Variants in SPECC1 observed in about 807,000 individuals in gnomAD.
SPECC1 encodes the protein cytospin-B.
A neutral mutation model predicts 104.1 loss-of-function variants in SPECC1; 62 were observed. That is an observed-to-expected ratio of 0.60 (90% CI 0.49 to 0.74). The LOEUF is 0.74. Ranked by LOEUF, SPECC1 falls within the 30% of genes least tolerant of loss-of-function variation. The pLI, the probability that SPECC1 is intolerant of heterozygous loss-of-function variation, is 0.00. For synonymous variants in SPECC1, 513 were observed against 501.6 expected (o/e 1.02, Z -0.30); for missense variants, 1,306 against 1,310.5 (o/e 1.00, Z 0.05).
intron 4 of SPECC1, among the ~76,000 whole-genome samples, chr17:20,214,610 C>T (rs1326484298): frequency 2.6e-5 from 4 of 152,248 alleles, no homozygotes; most frequent in East Asian, 3.9e-4. Context: ...TGGGTTCAAG[C>T]GATTCTCCTG....
chr17:20,107,530 C>T (rs944901027), intron 2 of SPECC1, among the ~76,000 whole-genome samples: 9 of 150,238 alleles, frequency 6.0e-5, no homozygotes, highest in Middle Eastern at 3.5e-3. Flanking sequence ...GATCTCGGCT[C>T]ACTGTAACCT....
chr17:20,136,426 T>TA (rs10577710), intron 3 of SPECC1, among the ~76,000 whole-genome samples: 20,415 of 144,096 alleles, frequency 0.14, 2,725 homozygotes, highest in African/African-American at 0.36. Context: ...CTCCATCTAT[T>TA]AAAAAAAAAA....
intron 3 of SPECC1, among the ~76,000 whole-genome samples, chr17:20,199,080 C>CT (rs562975649): frequency 0.014 from 1,043 of 76,554 alleles, 12 homozygotes; most frequent in Non-Finnish European, 0.018. Context: ...CTTATGGTAG[C>CT]TTTTTTTTTT....
At chr17:20,188,750 A>G (rs1181558056) in intron 3 of SPECC1, among the ~76,000 whole-genome samples, 1 of 152,164 alleles carries the variant, frequency 6.6e-6, no homozygotes, top group Non-Finnish European at 1.5e-5. Context: ...ACAAAGGTAA[A>G]GTGCTGTTAT....
At chr17:20,024,396 T>G (rs1368080412) in intron 1 of SPECC1, among the ~76,000 whole-genome samples, 1 of 152,258 alleles carries the variant, frequency 6.6e-6, no homozygotes, top group Non-Finnish European at 1.5e-5. Context: ...CCAGTAATTC[T>G]CCATTCTTTC....
chr17:20,058,813 A>G, intron 1 of SPECC1, among the ~76,000 whole-genome samples: 1 of 146,696 alleles, frequency 6.8e-6, no homozygotes, highest in East Asian at 2.0e-4. Flanking sequence ...CAGCCACATT[A>G]CATTTATTGT....
rs2042007454 is a variant in SPECC1 at position 20,314,429 on chromosome 17, A to C, written c.*364A>C. 6.7e-6 allele frequency: 2 copies of C among 299,502 alleles called. No individual in the cohort carries two copies. The highest frequency in any genetic ancestry group is 8.5e-5 in the Admixed American group (2 of 23,600). The allele number at this position is 299,502 out of a possible 1,614,324, so 18.6% of individuals were successfully genotyped here. A position where few individuals can be genotyped will look rare whatever the true frequency, so the allele number is the denominator to read the frequency against. On this transcript the variant is annotated 3_prime_UTR_variant, in exon 15 of 15. Transcript: ENST00000395527. Reference sequence around the variant, plus strand: ...AAATTCAGACAAAGAACATCTCCAAATCAGTCTTTTGGTTGCTGTTGTTAA... The same window carrying C: ...AAATTCAGACAAAGAACATCTCCAACTCAGTCTTTTGGTTGCTGTTGTTAA...
At chr17:20,032,105 T>C (rs1032973146) in intron 1 of SPECC1, among the ~76,000 whole-genome samples, 3 of 152,152 alleles carry the variant, frequency 2.0e-5, no homozygotes, top group Non-Finnish European at 2.9e-5. Flanking sequence ...TGATGAGAGG[T>C]CAACTGTTTC....
intron 3 of SPECC1, among the ~76,000 whole-genome samples, chr17:20,185,977 A>G (rs1225577865): frequency 1.3e-5 from 2 of 152,202 alleles, no homozygotes; most frequent in Non-Finnish European, 2.9e-5. Context: ...AGCTAGGACT[A>G]CAGGCGTGTG....
At chr17:20,029,210 G>A (rs2152440086) in intron 1 of SPECC1, among the ~76,000 whole-genome samples, 1 of 152,236 alleles carries the variant, frequency 6.6e-6, no homozygotes, top group African/African-American at 2.4e-5. Flanking sequence ...GTAGCTTCTA[G>A]AGTATAAGTT....
chr17:20,180,094 C>G (rs1309005214), intron 3 of SPECC1, among the ~76,000 whole-genome samples: 1 of 152,102 alleles, frequency 6.6e-6, no homozygotes, highest in Non-Finnish European at 1.5e-5. Flanking sequence ...CAGGTAACTA[C>G]TAACCAAGTA....
chr17:20,126,493 A>G (rs2049312746), intron 3 of SPECC1: 1 of 140,796 alleles, frequency 7.1e-6, no homozygotes, highest in Non-Finnish European at 1.5e-5. Context: ...CACTGACTAT[A>G]TTTTCTAATT....
chr17:20,282,133 G>A (rs1311184676), intron 12 of SPECC1, among the ~76,000 whole-genome samples: 1 of 152,268 alleles, frequency 6.6e-6, no homozygotes, highest in African/African-American at 2.4e-5. Flanking sequence ...GTTAACCTCG[G>A]GGAAGAAACG....
At chr17:20,069,708 G>T (rs887041107) in intron 1 of SPECC1, among the ~76,000 whole-genome samples, 1 of 152,042 alleles carries the variant, frequency 6.6e-6, no homozygotes, top group Admixed American at 6.5e-5. Flanking sequence ...GTCTTACATG[G>T]ACATGGGATG....
chr17:20,201,238 T>A (rs2036409778), intron 3 of SPECC1, among the ~76,000 whole-genome samples: 1 of 150,876 alleles, frequency 6.6e-6, no homozygotes, highest in African/African-American at 2.4e-5. Context: ...GGCGGGGAGA[T>A]CACCTGAGGT....
chr17:20,234,073 C>T (rs2038761097), intron 7 of SPECC1, among the ~76,000 whole-genome samples: 1 of 152,164 alleles, frequency 6.6e-6, no homozygotes, highest in South Asian at 2.1e-4. Context: ...GACCATGCAG[C>T]GTGAACCCTG....
chr17:20,088,010 C>T (rs1194526597), intron 1 of SPECC1, among the ~76,000 whole-genome samples: 1 of 152,082 alleles, frequency 6.6e-6, no homozygotes, highest in African/African-American at 2.4e-5. Flanking sequence ...CAGAGCTCTT[C>T]CTTGGGAACT....
At chr17:20,154,034 C>T (rs553989407) in intron 3 of SPECC1, among the ~76,000 whole-genome samples, 15 of 152,266 alleles carry the variant, frequency 9.9e-5, no homozygotes, top group East Asian at 1.9e-4. Context: ...GTCTTTGACA[C>T]GCTAGTTTTG....
Position 20,240,060 on chromosome 17 carries a change from A to AATT in SPECC1, c.2352-5866_2352-5865insATT, listed in dbSNP as rs1346205628. Among the ~76,000 whole-genome samples the AATT allele has an allele frequency of 3.7e-3, 120 of 32,214 alleles. 1 individual carries two copies. Among genetic ancestry groups the AATT allele is most frequent in the Non-Finnish European group, 5.7e-3 (111 of 19,374 alleles). The allele number at this position is 32,214 out of a possible 152,430, so 21.1% of individuals were successfully genotyped here. A position where few individuals can be genotyped will look rare whatever the true frequency, so the allele number is the denominator to read the frequency against. ...AGGGGCACACCACCATGTCCAGCTA[A>AATT]TTTTTTTTTTTTTTTTTTTTTTTTT... is the stretch of plus-strand genomic sequence containing the variant. On this transcript the variant is annotated intron_variant, in intron 7 of 14. Coordinates refer to ENST00000395527, the MANE Select transcript of SPECC1 (RefSeq NM_001243439.2).
Sources: gnomAD v4.1 joint callset for allele counts (sites outside exome capture counted in the v4.1 genomes callset) on GRCh38, gnomAD v4.1.1 for gene constraint, MANE v1.5 for transcripts, NCBI Gene and HGNC (gene_info 2026-07-23, HGNC 2026-07-21) for gene names.